The following TEX9 variants were observed in gnomAD, a reference collection of about 807,000 sequenced individuals.
TEX9 encodes the protein testis-expressed protein 9.
A neutral mutation model predicts 59.6 loss-of-function variants in TEX9; 74 were observed. The observed-to-expected ratio is 1.24, with a 90% CI of 1.03 to 1.51. TEX9 has a LOEUF of 1.51. Ranked by LOEUF, TEX9 falls within the 40% of genes most tolerant of loss-of-function variation. The probability of loss-of-function intolerance (pLI) is 0.00; values close to 1 mark genes in which losing one functional copy is unlikely to be tolerated. For synonymous variants in TEX9, 186 were observed against 152.2 expected (o/e 1.22, Z -1.64); for missense variants, 522 against 447.8 (o/e 1.17, Z -1.49).
intron 9 of TEX9, among the ~76,000 whole-genome samples, chr15:56,404,517 C>T (rs2048972950): frequency 1.3e-5 from 2 of 152,156 alleles, no homozygotes; most frequent in South Asian, 4.1e-4. Flanking sequence ...GAAATAGGAA[C>T]TCTTTTACAC....
At chr15:56,451,909 T>G in the TEX9 span, among the ~76,000 whole-genome samples, 2 of 152,210 alleles carry the variant, frequency 1.3e-5, no homozygotes, top group African/African-American at 4.8e-5. Flanking sequence ...CTAGTTTAAT[T>G]CCACTATGGA....
At chr15:56,435,920 C>G (rs2140335547) in intron 12 of TEX9, among the ~76,000 whole-genome samples, 1 of 152,012 alleles carries the variant, frequency 6.6e-6, no homozygotes, top group South Asian at 2.1e-4. Context: ...AAAAATAGAT[C>G]ATACATTAAA....
intron 1 of TEX9, among the ~76,000 whole-genome samples, chr15:56,269,259 C>CTTT: frequency 6.6e-6 from 1 of 151,234 alleles, no homozygotes; most frequent in Non-Finnish European, 1.5e-5. Flanking sequence ...TTTTGTTGAT[C>CTTT]TCAAAAAACC....
chr15:56,399,707 T>A (rs555238679), intron 9 of TEX9, among the ~76,000 whole-genome samples: 1 of 152,270 alleles, frequency 6.6e-6, no homozygotes, highest in South Asian at 2.1e-4. Context: ...CACCTCCCAG[T>A]AGGGGCCAAC....
chr15:56,312,020 G>C (rs2045633798), intron 1 of TEX9, among the ~76,000 whole-genome samples: 1 of 151,754 alleles, frequency 6.6e-6, no homozygotes, highest in South Asian at 2.1e-4. Context: ...ATTTGTTTGA[G>C]TTCACTATAG....
At position 56,352,117 on chromosome 15, in the gene TEX9, T is replaced by A. The variant is rs538970013; in HGVS notation, c.-106-21324T>A. Among the ~76,000 whole-genome samples the A allele has an allele frequency of 4.4e-4, 67 of 152,356 alleles. 1 individual carries two copies. The highest frequency in any genetic ancestry group is 3.4e-3 in the Middle Eastern group (1 of 294). On this transcript the variant is annotated intron_variant, in intron 1 of 5. Coordinates refer to the TEX9 transcript ENST00000560827. ...ACAAGAATGAAAGAACCCACAACTT[T>A]AACACTTTGTGAATGAACTTCATTT...
the TEX9 span, among the ~76,000 whole-genome samples, chr15:56,459,856 G>A: frequency 6.7e-6 from 1 of 150,304 alleles, no homozygotes; most frequent in South Asian, 2.1e-4. Flanking sequence ...TGGGTGTGGT[G>A]GTGCATGCCT....
intron 1 of TEX9, among the ~76,000 whole-genome samples, chr15:56,313,302 T>C (rs2045670440): frequency 3.0e-5 from 1 of 33,314 alleles, no homozygotes; most frequent in Non-Finnish European, 8.4e-5. Flanking sequence ...TGATAGCTCT[T>C]ATTATTTTGA....
At chr15:56,392,379 A>C (rs1317190095) in intron 7 of TEX9, among the ~76,000 whole-genome samples, 1 of 152,120 alleles carries the variant, frequency 6.6e-6, no homozygotes, top group Non-Finnish European at 1.5e-5. Context: ...GATCACGAAC[A>C]AGAGACGGGG....
intron 1 of TEX9, among the ~76,000 whole-genome samples, chr15:56,358,686 T>C (rs1397680542): frequency 6.6e-6 from 1 of 152,152 alleles, no homozygotes; most frequent in African/African-American, 2.4e-5. Flanking sequence ...ATGTCACTGA[T>C]ATGGTTAGGC....
At chr15:56,403,112 A>G (rs749457292) in intron 9 of TEX9, among the ~76,000 whole-genome samples, 2 of 152,246 alleles carry the variant, frequency 1.3e-5, no homozygotes, top group Non-Finnish European at 2.9e-5. Context: ...CCAGTTCAAC[A>G]TAGTGTTGGA....
intron 1 of TEX9, among the ~76,000 whole-genome samples, chr15:56,327,749 C>T (rs1037184950): frequency 6.6e-6 from 1 of 152,150 alleles, no homozygotes; most frequent in African/African-American, 2.4e-5. Flanking sequence ...GCTGCCAACA[C>T]TGGGGAGAAC....
At chr15:56,366,531 A>T (rs1430736040) in intron 2 of TEX9, among the ~76,000 whole-genome samples, 5 of 151,834 alleles carry the variant, frequency 3.3e-5, no homozygotes, top group African/African-American at 1.2e-4. Flanking sequence ...TGTCTCAGTG[A>T]TTTTTCTTTC....
intron 1 of TEX9, among the ~76,000 whole-genome samples, chr15:56,335,488 G>A (rs2046240411): frequency 6.6e-6 from 1 of 152,038 alleles, no homozygotes; most frequent in Admixed American, 6.6e-5. Context: ...TAGAAGGGTG[G>A]TTACCAGGGG....
At chr15:56,297,627 C>T (rs536451578) in intron 1 of TEX9, among the ~76,000 whole-genome samples, 1 of 152,192 alleles carries the variant, frequency 6.6e-6, no homozygotes, top group Non-Finnish European at 1.5e-5. Flanking sequence ...GCCTCAGCCT[C>T]CTGAATAGCT....
chr15:56,391,484 G>A, intron 7 of TEX9, 66 bp downstream of exon 7: 1 of 1,128,820 alleles, frequency 8.9e-7, no homozygotes, highest in Non-Finnish European at 1.2e-6. Flanking sequence ...GAAATCTTGG[G>A]GAACTATTTC....
At chr15:56,244,780 C>T (rs1349044325) in intron 1 of TEX9, among the ~76,000 whole-genome samples, 1 of 152,050 alleles carries the variant, frequency 6.6e-6, no homozygotes, top group African/African-American at 2.4e-5. Flanking sequence ...CTTTGGAGCC[C>T]GTTGAACACC....
chr15:56,372,780 A>G (rs1236490976), intron 2 of TEX9, among the ~76,000 whole-genome samples: 3 of 152,180 alleles, frequency 2.0e-5, no homozygotes, highest in African/African-American at 7.2e-5. Context: ...TTTTTCAATA[A>G]TATTGTCATC....
intron 1 of TEX9, among the ~76,000 whole-genome samples, chr15:56,310,603 A>C (rs1167655983): frequency 6.6e-6 from 1 of 152,286 alleles, no homozygotes; most frequent in South Asian, 2.1e-4. Flanking sequence ...GTCTATTATG[A>C]TCCCTGCACC....
Sources: allele counts gnomAD v4.1 joint callset (sites outside exome capture counted in the v4.1 genomes callset), GRCh38; gene constraint gnomAD v4.1.1; transcripts MANE v1.5; gene names NCBI Gene and HGNC (gene_info 2026-07-23, HGNC 2026-07-21).